MYO1E: variants seen among roughly 807,000 people sequenced by gnomAD.
The protein encoded by MYO1E is unconventional myosin-Ie.
MYO1E carries 68 observed loss-of-function variants against 151.1 expected under a neutral mutation model. That is an observed-to-expected ratio of 0.45 (90% CI 0.37 to 0.55). The LOEUF (loss-of-function observed/expected upper bound fraction) is 0.55. Ranked by LOEUF, MYO1E falls within the 20% of genes least tolerant of loss-of-function variation. The pLI is 0.00. For missense variants in MYO1E, 1,363 were observed against 1,389.3 expected, an observed-to-expected ratio of 0.98 and a Z score of 0.30; for synonymous variants, 601 against 501.7, an observed-to-expected ratio of 1.20 and a Z score of -2.64.
At chr15:59,181,020 G>A (rs1223517556) in intron 18 of MYO1E, among the ~76,000 whole-genome samples, 3 of 152,054 alleles carry the variant, frequency 2.0e-5, no homozygotes, top group Non-Finnish European at 4.4e-5. Context: ...CTTCTCAGAG[G>A]AAATGCAGCT....
At chr15:59,209,211 T>G (rs958928652) in intron 13 of MYO1E, among the ~76,000 whole-genome samples, 9 of 152,238 alleles carry the variant, frequency 5.9e-5, no homozygotes, top group South Asian at 2.1e-4. Context: ...TCTTTCAGCG[T>G]GTTACCCATA....
At chr15:59,245,934 G>A (rs900955345) in intron 4 of MYO1E, among the ~76,000 whole-genome samples, 1 of 152,118 alleles carries the variant, frequency 6.6e-6, no homozygotes, top group African/African-American at 2.4e-5. Context: ...CAGATTTGCA[G>A]AGATGTCTCT....
chr15:59,325,548 T>A (rs2080658421), intron 1 of MYO1E, among the ~76,000 whole-genome samples: 1 of 152,192 alleles, frequency 6.6e-6, no homozygotes, highest in Non-Finnish European at 1.5e-5. Context: ...GATAGTGCAA[T>A]CCAATAACAC....
chr15:59,307,973 T>C (rs1217514642), intron 1 of MYO1E, among the ~76,000 whole-genome samples: 2 of 149,582 alleles, frequency 1.3e-5, no homozygotes, highest in African/African-American at 4.9e-5. Flanking sequence ...TCCCAGCACT[T>C]GGGGAGGCCA....
intron 1 of MYO1E, among the ~76,000 whole-genome samples, chr15:59,306,133 T>G (rs1282227126): frequency 6.6e-6 from 1 of 152,226 alleles, no homozygotes; most frequent in Non-Finnish European, 1.5e-5. Flanking sequence ...GAAGTTTTTC[T>G]ATGGCACCAG....
At chr15:59,288,000 G>T (rs536043011) in intron 1 of MYO1E, among the ~76,000 whole-genome samples, 13 of 152,342 alleles carry the variant, frequency 8.5e-5, no homozygotes, top group African/African-American at 2.9e-4. Flanking sequence ...GGCGCTCAGC[G>T]AGCCTGCCAT....
At chr15:59,189,204 C>A (rs2079717875) in intron 17 of MYO1E, among the ~76,000 whole-genome samples, 1 of 152,080 alleles carries the variant, frequency 6.6e-6, no homozygotes, top group Non-Finnish European at 1.5e-5. Context: ...GGACTACAAG[C>A]ATGCACCACC....
chr15:59,248,759 G>A (rs775505702), intron 4 of MYO1E, among the ~76,000 whole-genome samples: 1 of 152,156 alleles, frequency 6.6e-6, no homozygotes, highest in Admixed American at 6.5e-5. Flanking sequence ...CTGCAGACTA[G>A]AGCAACACCC....
At chr15:59,280,135 T>C (rs2080344707) in intron 1 of MYO1E, among the ~76,000 whole-genome samples, 1 of 152,214 alleles carries the variant, frequency 6.6e-6, no homozygotes, top group Non-Finnish European at 1.5e-5. Context: ...AGCAAACTTT[T>C]TTTAACAATA....
intron 1 of MYO1E, among the ~76,000 whole-genome samples, chr15:59,299,460 C>T (rs66552644): frequency 6.6e-6 from 1 of 152,162 alleles, no homozygotes; most frequent in African/African-American, 2.4e-5. Flanking sequence ...ATCATTTCAC[C>T]TAGTCAACAA....
chr15:59,337,003 T>C (rs1231416840), intron 1 of MYO1E, among the ~76,000 whole-genome samples: 2 of 145,918 alleles, frequency 1.4e-5, no homozygotes, highest in African/African-American at 2.7e-5. Context: ...TTGATGGACA[T>C]TTGGGTTGAC....
At chr15:59,142,198 G>A (rs2079414244) in intron 26 of MYO1E, among the ~76,000 whole-genome samples, 1 of 152,038 alleles carries the variant, frequency 6.6e-6, no homozygotes, top group African/African-American at 2.4e-5. Context: ...TCCAAGTTTG[G>A]TTGAATCCAC....
chr15:59,262,397 G>A (rs528307392), intron 2 of MYO1E, among the ~76,000 whole-genome samples: 2 of 151,976 alleles, frequency 1.3e-5, no homozygotes, highest in African/African-American at 4.8e-5. Flanking sequence ...GGGGTGGATC[G>A]CTTTAGGCCA....
At chr15:59,249,977 C>G (rs531017005) in intron 4 of MYO1E, among the ~76,000 whole-genome samples, 28 of 152,034 alleles carry the variant, frequency 1.8e-4, no homozygotes, top group African/African-American at 5.8e-4. Context: ...GGTGAAAAAG[C>G]CAAGGCCCAG....
chr15:59,161,295 C>T, intron 23 of MYO1E, 65 bp from the exon 24 acceptor site: 1 of 1,548,358 alleles, frequency 6.5e-7, no homozygotes, highest in Non-Finnish European at 8.8e-7. Context: ...CTCAGAGATC[C>T]CGCCACGGAG....
At chr15:59,203,405 G>A (rs1260575975) in intron 15 of MYO1E, among the ~76,000 whole-genome samples, 2 of 150,396 alleles carry the variant, frequency 1.3e-5, no homozygotes, top group Non-Finnish European at 3.0e-5. Context: ...TTTTGAGATG[G>A]AGTCTCGCTC....
At chr15:59,168,793 A>T (rs2079575828) in intron 22 of MYO1E, among the ~76,000 whole-genome samples, 2 of 151,924 alleles carry the variant, frequency 1.3e-5, no homozygotes, top group Non-Finnish European at 2.9e-5. Context: ...GCTAATTTTC[A>T]CATTTTTTGT....
chr15:59,250,313 C>G (rs1230115231), intron 4 of MYO1E, among the ~76,000 whole-genome samples: 1 of 152,156 alleles, frequency 6.6e-6, no homozygotes, highest in Non-Finnish European at 1.5e-5. Context: ...CCTTCGAGAG[C>G]AGCTGGAAAC....
intron 3 of MYO1E, among the ~76,000 whole-genome samples, chr15:59,259,614 G>A (rs1016658795): frequency 6.6e-6 from 1 of 152,192 alleles, no homozygotes; most frequent in African/African-American, 2.4e-5. Flanking sequence ...AGAAAGACAC[G>A]AAGATGGAAA....
Sources: allele counts gnomAD v4.1 joint callset (sites outside exome capture counted in the v4.1 genomes callset), GRCh38; gene constraint gnomAD v4.1.1; transcripts MANE v1.5; gene names NCBI Gene and HGNC (gene_info 2026-07-23, HGNC 2026-07-21).